Variants in IQCM observed in about 807,000 individuals in gnomAD.
The protein encoded by IQCM is IQ domain-containing protein M.
In IQCM, 45 loss-of-function variants were observed where a neutral mutation model predicts 57.6. That is an observed-to-expected ratio of 0.78 (90% CI 0.62 to 1.00). The LOEUF is 1.00. Among genes scored for constraint, IQCM ranks in the 50% least tolerant of loss-of-function variants. IQCM has a pLI of 0.00. For missense variants in IQCM, 468 were observed against 511.6 expected, an observed-to-expected ratio of 0.91 and a Z score of 0.82; for synonymous variants, 148 against 158.9, an observed-to-expected ratio of 0.93 and a Z score of 0.51.
At chr4:149,373,663 A>G (rs1322730733) in intron 13 of IQCM, among the ~76,000 whole-genome samples, 1 of 152,098 alleles carries the variant, frequency 6.6e-6, no homozygotes, top group Non-Finnish European at 1.5e-5. Context: ...TATTGACATT[A>G]TAATCTTAGG....
chr4:149,649,957 A>C (rs1016253276), intron 7 of IQCM, among the ~76,000 whole-genome samples: 2 of 152,210 alleles, frequency 1.3e-5, no homozygotes, highest in Admixed American at 1.3e-4. Context: ...TTTTTTAAAG[A>C]TCGTTTCACA....
At chr4:149,488,566 C>T (rs577070760) in intron 12 of IQCM, among the ~76,000 whole-genome samples, 22 of 152,176 alleles carry the variant, frequency 1.4e-4, no homozygotes, top group Non-Finnish European at 2.8e-4. Context: ...ACACACTTCA[C>T]GCTGCTGTTT....
intron 2 of IQCM, among the ~76,000 whole-genome samples, chr4:149,769,495 T>G (rs1770363974): frequency 6.6e-6 from 1 of 150,654 alleles, no homozygotes; most frequent in Admixed American, 6.6e-5. Flanking sequence ...AAGTGCAAAA[T>G]GATATCAAAG....
intron 2 of IQCM, among the ~76,000 whole-genome samples, chr4:149,809,703 C>T (rs1774385423): frequency 6.6e-6 from 1 of 152,170 alleles, no homozygotes; most frequent in South Asian, 2.1e-4. Context: ...CTCTGGTCCA[C>T]ATCTAACTCA....
At chr4:149,377,959 G>C (rs773117532) in intron 13 of IQCM, among the ~76,000 whole-genome samples, 1 of 152,092 alleles carries the variant, frequency 6.6e-6, no homozygotes, top group Non-Finnish European at 1.5e-5. Context: ...ATTCCCTCGT[G>C]TTGTGGGAGG....
chr4:149,625,112 G>A (rs2150081190), intron 7 of IQCM, among the ~76,000 whole-genome samples: 1 of 152,280 alleles, frequency 6.6e-6, no homozygotes, highest in East Asian at 1.9e-4. Flanking sequence ...TTGACAAATA[G>A]CATCTTAATC....
intron 13 of IQCM, among the ~76,000 whole-genome samples, chr4:149,411,418 G>A (rs533644258): frequency 5.3e-5 from 8 of 152,094 alleles, no homozygotes; most frequent in Non-Finnish European, 1.0e-4. Flanking sequence ...CATTTTTTGA[G>A]TGCTCACTAT....
intron 2 of IQCM, among the ~76,000 whole-genome samples, chr4:149,762,507 G>T (rs902122424): frequency 6.6e-6 from 1 of 152,004 alleles, no homozygotes; most frequent in Admixed American, 6.6e-5. Flanking sequence ...ATCACATTAG[G>T]AGAGCAGGCC....
At chr4:149,754,424 A>G (rs542358166) in intron 2 of IQCM, among the ~76,000 whole-genome samples, 11 of 152,290 alleles carry the variant, frequency 7.2e-5, no homozygotes, top group Non-Finnish European at 1.5e-4. Flanking sequence ...CAAGAGCACT[A>G]ATTAACAAAC....
At chr4:149,713,602 CT>C (rs1355055252) in intron 5 of IQCM, among the ~76,000 whole-genome samples, 2 of 152,208 alleles carry the variant, frequency 1.3e-5, no homozygotes, top group Non-Finnish European at 2.9e-5. Context: ...TCCCCCTGCC[CT>C]TACTTTCAGC....
intron 8 of IQCM, among the ~76,000 whole-genome samples, chr4:149,590,012 T>A (rs550755984): frequency 6.6e-6 from 1 of 152,154 alleles, no homozygotes; most frequent in South Asian, 2.1e-4. Flanking sequence ...CTTAATTTTT[T>A]TTCAAGTCCT....
chr4:149,484,703 C>T (rs527544921), intron 12 of IQCM, among the ~76,000 whole-genome samples: 57 of 152,032 alleles, frequency 3.7e-4, no homozygotes, highest in African/African-American at 1.3e-3. Context: ...TTTGGTTCAT[C>T]ATTTGGTATT....
intron 12 of IQCM, among the ~76,000 whole-genome samples, chr4:149,507,707 T>C (rs748695318): frequency 6.6e-6 from 1 of 152,044 alleles, no homozygotes; most frequent in Non-Finnish European, 1.5e-5. Context: ...ATTTGCAGCA[T>C]GACAATGCAA....
At chr4:149,560,750 T>C (rs973053870) in intron 10 of IQCM, among the ~76,000 whole-genome samples, 5 of 152,200 alleles carry the variant, frequency 3.3e-5, no homozygotes, top group African/African-American at 4.8e-5. Flanking sequence ...GAATGGAAAT[T>C]GTACAGTCTC....
rs1368626571 is a variant in IQCM, at chr4:149,431,226, T to C, written c.1390+2170A>G. 2.0e-5 allele frequency among the ~76,000 whole-genome samples: 3 copies of C among 151,956 alleles called. No individual in the cohort carries two copies. In the East Asian group the frequency reaches 5.8e-4, roughly 30 times the overall value. On this transcript the variant is annotated intron_variant, in intron 13 of 13. Coordinates refer to ENST00000636793, the MANE Select transcript of IQCM (RefSeq NM_001363507.2). ...TTTCAAAAAGAAGAAGAAAAGAAAA[T>C]AGATAAATAAATGCAAAATATTTTG... is the stretch of plus-strand genomic sequence containing the variant.
intron 12 of IQCM, among the ~76,000 whole-genome samples, chr4:149,455,176 GAC>G (rs922600782): frequency 6.6e-6 from 1 of 152,108 alleles, no homozygotes; most frequent in African/African-American, 2.4e-5. Context: ...ATTCAAGAGA[GAC>G]TGCTGTGTTG....
At chr4:149,587,023 C>T (rs892262453) in intron 9 of IQCM, among the ~76,000 whole-genome samples, 2 of 151,628 alleles carry the variant, frequency 1.3e-5, no homozygotes, top group Non-Finnish European at 2.9e-5. Flanking sequence ...AGAGTTTGTA[C>T]ACAGAATTGG....
chr4:149,357,413 C>T (rs926391933), intron 13 of IQCM, among the ~76,000 whole-genome samples: 13 of 152,190 alleles, frequency 8.5e-5, no homozygotes, highest in South Asian at 2.1e-4. Flanking sequence ...TTTTGAGATA[C>T]GTCCCATCAA....
intron 13 of IQCM, among the ~76,000 whole-genome samples, chr4:149,395,449 T>C (rs558120895): frequency 1.6e-4 from 25 of 152,174 alleles, no homozygotes; most frequent in Non-Finnish European, 3.5e-4. Flanking sequence ...ATTAGAGTGC[T>C]GCTCTTTCGA....
Sources: gnomAD v4.1 joint callset for allele counts (sites outside exome capture counted in the v4.1 genomes callset) on GRCh38, gnomAD v4.1.1 for gene constraint, MANE v1.5 for transcripts, NCBI Gene and HGNC (gene_info 2026-07-23, HGNC 2026-07-21) for gene names.